PLPP3: variants seen among roughly 807,000 people sequenced by gnomAD.
The protein encoded by PLPP3 is phospholipid phosphatase 3, also known as PAP2 beta.
In PLPP3, 6 loss-of-function variants were observed where a neutral mutation model predicts 29.6. The ratio of observed to expected loss-of-function variants is 0.20; its 90% CI spans 0.11 to 0.40. The LOEUF (loss-of-function observed/expected upper bound fraction) is 0.40. Among genes scored for constraint, PLPP3 ranks in the 10% least tolerant of loss-of-function variants. The pLI is 1.00. For missense variants in PLPP3, 308 were observed against 407.7 expected, an observed-to-expected ratio of 0.76 and a Z score of 2.11; for synonymous variants, 152 against 159.7, an observed-to-expected ratio of 0.95 and a Z score of 0.36.
intron 5 of PLPP3, among the ~76,000 whole-genome samples, chr1:56,502,926 TG>T (rs950423178): frequency 1.1e-4 from 17 of 152,338 alleles, no homozygotes; most frequent in African/African-American, 4.1e-4. Context: ...GATTTGGCCC[TG>T]GGATTTCCTT....
intron 5 of PLPP3, among the ~76,000 whole-genome samples, chr1:56,509,676 C>T (rs1645726735): frequency 6.6e-6 from 1 of 151,758 alleles, no homozygotes; most frequent in African/African-American, 2.4e-5. Context: ...CCCATCTCTA[C>T]AGAAATACAA....
chr1:56,510,549 C>A (rs1645735003), intron 5 of PLPP3, among the ~76,000 whole-genome samples: 1 of 152,190 alleles, frequency 6.6e-6, no homozygotes, highest in Non-Finnish European at 1.5e-5. Context: ...TGCTTCCCTG[C>A]CTGCTGAAGC....
chr1:56,514,310 G>A (rs1645766696), intron 4 of PLPP3, among the ~76,000 whole-genome samples: 2 of 151,836 alleles, frequency 1.3e-5, no homozygotes, highest in South Asian at 4.2e-4. Flanking sequence ...AAGGGGGCAG[G>A]AGTGGGGGAT....
intron 1 of PLPP3, among the ~76,000 whole-genome samples, chr1:56,547,314 T>C (rs1215033675): frequency 1.3e-5 from 2 of 152,170 alleles, no homozygotes; most frequent in Non-Finnish European, 2.9e-5. Context: ...AATAAATGCA[T>C]AGGAAACAAA....
At position 56,555,433 on chromosome 1, in the gene PLPP3, T is replaced by TAAAAAAAAAA. The variant is rs66593221; in HGVS notation, c.140-18331_140-18322dup. Among the ~76,000 whole-genome samples, 98 of 33,202 alleles carry TAAAAAAAAAA rather than the reference T, an allele frequency of 3.0e-3. 1 individual carries two copies. Among genetic ancestry groups the TAAAAAAAAAA allele is most frequent in the Non-Finnish European group, 3.8e-3 (70 of 18,352 alleles). The allele number at this position is 33,202 out of a possible 152,430, so 21.8% of individuals were successfully genotyped here. On this transcript the variant is annotated intron_variant, in intron 1 of 5. Transcript: ENST00000371250. ...ATGCAGGAGAAGGAAGGCCAAACAC[T>TAAAAAAAAAA]AAAAAAAAAAAAAAAAAAAAAAAAA...
chr1:56,500,384 G>A (rs1645659290), intron 5 of PLPP3, among the ~76,000 whole-genome samples: 1 of 152,164 alleles, frequency 6.6e-6, no homozygotes, highest in South Asian at 2.1e-4. Context: ...TGGGAAGCAG[G>A]CCTTAGAAGG....
intron 1 of PLPP3, among the ~76,000 whole-genome samples, chr1:56,557,009 AGAGAGAGAG>A (rs1569594365): frequency 2.7e-4 from 2 of 7,302 alleles, no homozygotes; most frequent in East Asian, 2.7e-3. Context: ...AAAGAAAGAA[AGAGAGAGAG>A]AGAGAGAAAG....
chr1:56,521,285 G>A (rs1645818074), intron 4 of PLPP3, among the ~76,000 whole-genome samples: 1 of 149,934 alleles, frequency 6.7e-6, no homozygotes, highest in Non-Finnish European at 1.5e-5. Flanking sequence ...AAGTTTTGCA[G>A]ATCAGATGTT....
At position 56,496,415 on chromosome 1, in the gene PLPP3, CAT is replaced by C; in HGVS notation, c.*134_*135del. On this transcript the variant is annotated 3_prime_UTR_variant, in exon 6 of 6. Coordinates refer to ENST00000371250, the MANE Select transcript of PLPP3 (RefSeq NM_003713.5). ...TATTTTGGAAGGCCACATAGTAAAA[CAT>C]TTTTTTTTTCCTTTTTAAAAATCAG... 2.6e-6 allele frequency: 3 copies of C among 1,140,114 alleles called. No homozygotes were observed. In the South Asian group the frequency reaches 4.7e-5, roughly 18 times the overall value. The allele number at this position is 1,140,114 out of a possible 1,614,324, so 70.6% of individuals were successfully genotyped here.
chr1:56,506,278 T>C (rs915942891), intron 5 of PLPP3, among the ~76,000 whole-genome samples: 5 of 152,216 alleles, frequency 3.3e-5, no homozygotes, highest in African/African-American at 1.2e-4. Context: ...CTATGTGTCC[T>C]TGGGCGTGTC....
intron 4 of PLPP3, chr1:56,513,198 A>G (rs1275135966): frequency 1.3e-5 from 2 of 148,510 alleles, no homozygotes; most frequent in Non-Finnish European, 3.0e-5. Flanking sequence ...TGGAAGATTA[A>G]AAAAAAAACC....
chr1:56,530,008 G>C (rs1645877085), intron 2 of PLPP3, among the ~76,000 whole-genome samples: 1 of 152,112 alleles, frequency 6.6e-6, no homozygotes, highest in South Asian at 2.1e-4. Context: ...CCAAAAGTCA[G>C]GGACTCAGAG....
At chr1:56,560,759 A>T (rs556271433) in intron 1 of PLPP3, among the ~76,000 whole-genome samples, 1 of 152,028 alleles carries the variant, frequency 6.6e-6, no homozygotes, top group Non-Finnish European at 1.5e-5. Context: ...GTTAAGATGT[A>T]AACTCAGATT....
intron 5 of PLPP3, among the ~76,000 whole-genome samples, chr1:56,497,379 C>T (rs1008294192): frequency 1.3e-5 from 2 of 152,206 alleles, no homozygotes; most frequent in African/African-American, 4.8e-5. Context: ...GAGGATGGCA[C>T]AGGCATAGTT....
At chr1:56,521,296 A>T (rs1187731937) in intron 4 of PLPP3, among the ~76,000 whole-genome samples, 3 of 152,016 alleles carry the variant, frequency 2.0e-5, no homozygotes, top group Non-Finnish European at 4.4e-5. Context: ...ATCAGATGTT[A>T]CAAGAGCTGG....
intron 5 of PLPP3, among the ~76,000 whole-genome samples, chr1:56,500,395 C>G (rs1397827659): frequency 6.6e-6 from 1 of 152,162 alleles, no homozygotes; most frequent in Admixed American, 6.5e-5. Context: ...CCTTAGAAGG[C>G]TTCTCCTAAA....
chr1:56,507,463 G>C (rs1356187806), intron 5 of PLPP3, among the ~76,000 whole-genome samples: 1 of 152,166 alleles, frequency 6.6e-6, no homozygotes, highest in Non-Finnish European at 1.5e-5. Flanking sequence ...TAATCAGAAG[G>C]TTAAGCCATG....
intron 2 of PLPP3, among the ~76,000 whole-genome samples, chr1:56,534,328 T>C (rs948749786): frequency 6.6e-6 from 1 of 152,208 alleles, no homozygotes; most frequent in Non-Finnish European, 1.5e-5. Flanking sequence ...GGTTTTTCCA[T>C]ATCTCCTGCC....
At chr1:56,545,118 T>C (rs758148518) in intron 1 of PLPP3, among the ~76,000 whole-genome samples, 1 of 152,246 alleles carries the variant, frequency 6.6e-6, no homozygotes, top group Non-Finnish European at 1.5e-5. Context: ...TACTTAGCCA[T>C]GTAACCCACT....
Sources: allele counts gnomAD v4.1 joint callset (sites outside exome capture counted in the v4.1 genomes callset), GRCh38; gene constraint gnomAD v4.1.1; transcripts MANE v1.5; gene names NCBI Gene and HGNC (gene_info 2026-07-23, HGNC 2026-07-21).